The following RNF25 variants were observed in gnomAD, a reference collection of about 807,000 sequenced individuals.
RNF25 encodes the protein E3 ubiquitin-protein ligase RNF25.
Under a neutral mutation model 65.0 loss-of-function variants are expected in RNF25, and 32 were observed. The ratio of observed to expected loss-of-function variants is 0.49; its 90% confidence interval spans 0.37 to 0.66. The LOEUF (loss-of-function observed/expected upper bound fraction) is 0.66. Ranked by LOEUF, RNF25 falls within the 30% of genes least tolerant of loss-of-function variation. The pLI is 0.00. For synonymous variants in RNF25, 207 were observed against 221.2 expected (o/e 0.94, Z 0.57); for missense variants, 493 against 584.8 (o/e 0.84, Z 1.62).
Position 218,664,007 on chromosome 2 carries a change from G to A in RNF25, c.1330C>T (p.Pro444Ser). The change falls in exon 10 of 10, where the codon CCT becomes TCT. Residue 444 changes from proline (P) to serine (S), a missense_variant. Pro to Ser is a moderately conservative substitution (Grantham distance 74, BLOSUM62 -1). This residue lies in a region of RNF25 where 351 missense variants were observed against 400.2 expected (regional missense o/e 0.88). Coordinates refer to ENST00000295704, the MANE Select transcript of RNF25 (RefSeq NM_022453.3). The surrounding 1 kb of genome is among the most constrained non-coding windows in gnomAD (Gnocchi z 5.1). The stretch of plus-strand genomic sequence containing the variant: ...CCCAGGGACTCCCTCCGAGTACCAG[G>A]CCGGTATGCTCCCTGGCCCCGAGGC... ...RLPRGQGAYR[P>S]GTRRESLGLE... The A allele has an allele frequency of 6.8e-6, 10 of 1,480,040 alleles. No homozygotes were observed. The highest frequency in any genetic ancestry group is 8.1e-6 in the Non-Finnish European group (9 of 1,114,922). The allele number at this position is 1,480,040 out of a possible 1,614,324, so 91.7% of individuals were successfully genotyped here.
In RNF25 at chr2:218,664,127, C is replaced by G; in HGVS notation, c.1210G>C (p.Gly404Arg). 6.6e-7 allele frequency: 1 copy of G among 1,526,064 alleles called. No homozygotes were observed. Among genetic ancestry groups the G allele is most frequent in the Non-Finnish European group, 8.8e-7 (1 of 1,139,564 alleles). The allele number at this position is 1,526,064 out of a possible 1,614,324, so 94.5% of individuals were successfully genotyped here. Reference sequence around the variant, plus strand: ...CGGGGTGGGGGCCCCTGCCAGCTGCCAGGCCCCTTCTCTTGTGGAGGACCT... The same window carrying G: ...CGGGGTGGGGGCCCCTGCCAGCTGCGAGGCCCCTTCTCTTGTGGAGGACCT... ...VEGPPQEKGPGSWQGPPPRRT... is the reference protein window; with the variant it reads ...VEGPPQEKGPRSWQGPPPRRT... Residue 404 changes from glycine (G) to arginine (R), a missense_variant, in exon 10 of 10, where the codon GGC becomes CGC. Physicochemically the swap from Gly to Arg is moderately radical, Grantham distance 125. Transcript: ENST00000295704. The surrounding 1 kb of genome is among the most constrained non-coding windows in gnomAD (Gnocchi z 5.1).
At chr2:218,666,262 TA>T in intron 5 of RNF25, 32 bp from the exon 6 acceptor site, 2 of 1,578,616 alleles carry the variant, frequency 1.3e-6, no homozygotes, top group Admixed American at 1.7e-5. Flanking sequence ...TAAACGGGGG[TA>T]GGGGGAAGAA....
chr2:218,668,587 C>G lies in RNF25; in HGVS notation c.116+18G>C, dbSNP rs73079019. ...CATTACTAGGGGGACTCCTGCCCAC[C>G]ACTGGTTGAATACATACCTGCCATT... On this transcript the variant is annotated intron_variant, in intron 2 of 9. Coordinates refer to ENST00000295704, the MANE Select transcript of RNF25 (RefSeq NM_022453.3). 3.7e-3 allele frequency: 5,836 copies of G among 1,579,690 alleles called. 180 individuals are homozygous for G. The African/African-American group carries it at 0.067, about 18-fold the overall frequency.
Position 218,668,135 on chromosome 2 carries a change from C to T in RNF25, c.231G>A (p.Glu77=), listed in dbSNP as rs776812226. The change falls in exon 4 of 10, where the codon GAG becomes GAA. Residue 77 remains glutamate (E), a synonymous_variant. Transcript: ENST00000295704. ...VLQVPAEYPH[E]VPQISIRNPR... ...GATTTCGGATAGAGATCTGTGGCAC[C>T]TCATGGGGATACTAGTGGGGGCAAA... The T allele has an allele frequency of 1.2e-6, 2 of 1,614,152 alleles. No homozygotes were observed. Among genetic ancestry groups the T allele is most frequent in the Non-Finnish European group, 1.7e-6 (2 of 1,180,016 alleles).
chr2:218,670,359 A>C (rs376423179), intron 1 of RNF25, among the ~76,000 whole-genome samples: 31 of 151,372 alleles, frequency 2.0e-4, no homozygotes, highest in Admixed American at 1.1e-3. Flanking sequence ...CACCCTAGTT[A>C]TATGGGTCCT....
rs993537192 is a variant in RNF25 at position 218,665,019 on chromosome 2, G to T, written c.666+136C>A. The T allele has an allele frequency of 1.8e-5, 26 of 1,442,992 alleles. No individual in the cohort carries two copies. The Admixed American group carries it at 4.9e-4, about 27-fold the overall frequency. 89.4% of individuals were successfully genotyped at this position (1,442,992 alleles called of 1,614,324 possible). ...GAGTCTTAGGCTCCCGCCAGTGGGG[G>T]ATGTGGCTTTGCAGAGAGGTCCTAG... On this transcript the variant is annotated intron_variant, in intron 8 of 9. Coordinates refer to ENST00000295704, the MANE Select transcript of RNF25 (RefSeq NM_022453.3).
Position 218,664,061 on chromosome 2 carries a change from G to C in RNF25, c.1276C>G (p.Arg426Gly). 1 of 1,504,300 alleles carries C rather than the reference G, an allele frequency of 6.6e-7. No individual in the cohort carries two copies. The highest frequency in any genetic ancestry group is 8.9e-7 in the Non-Finnish European group (1 of 1,126,972). 93.2% of individuals were successfully genotyped at this position (1,504,300 alleles called of 1,614,324 possible). A position where few individuals can be genotyped will look rare whatever the true frequency, so the allele number is the denominator to read the frequency against. ...CGAGGGTAGGAAGAACCGGGTGTCC[G>C]GCCTTTAGAGCGCTCCCAGCGAACA... ...DCVRWERSKG[R>G]TPGSSYPRLP... The change falls in exon 10 of 10, where the codon CGG becomes GGG. Residue 426 changes from arginine to glycine, a missense_variant. Arg to Gly is a moderately radical substitution (Grantham distance 125). Coordinates refer to ENST00000295704, the MANE Select transcript of RNF25 (RefSeq NM_022453.3). This position sits in a 1 kb window ranked among gnomAD's most constrained non-coding sequence, Gnocchi z 5.1.
chr2:218,669,422 A>G (rs920395856), intron 1 of RNF25, among the ~76,000 whole-genome samples: 2 of 152,226 alleles, frequency 1.3e-5, no homozygotes, highest in African/African-American at 4.8e-5. Flanking sequence ...TATCGTAGCT[A>G]GTCTACGTCC....
In RNF25 at chr2:218,664,018, C is replaced by A. The variant is rs776895179; in HGVS notation, c.1319G>T (p.Gly440Val). The change falls in exon 10 of 10, where the codon GGA becomes GTA. Residue 440 changes from glycine to valine, a missense_variant. By Grantham distance (109) the Gly-to-Val change is moderately radical (BLOSUM62 -3). This residue lies in a region of RNF25 where 351 missense variants were observed against 400.2 expected (regional missense o/e 0.88). Coordinates refer to ENST00000295704, the MANE Select transcript of RNF25 (RefSeq NM_022453.3). The surrounding 1 kb of genome is among the most constrained non-coding windows in gnomAD (Gnocchi z 5.1). Reference protein sequence around the residue: ...SSYPRLPRGQGAYRPGTRRES... With the variant: ...SSYPRLPRGQVAYRPGTRRES... ...CCTCCGAGTACCAGGCCGGTATGCT[C>A]CCTGGCCCCGAGGCAGGCGAGGGTA... 4 of 1,491,912 alleles carry A rather than the reference C, an allele frequency of 2.7e-6. No homozygotes were observed. Among genetic ancestry groups the A allele is most frequent in the Middle Eastern group, 1.8e-4 (1 of 5,524 alleles). 92.4% of individuals were successfully genotyped at this position (1,491,912 alleles called of 1,614,324 possible).
rs1368500085 is a variant in RNF25 at position 218,668,636 on chromosome 2, C to T, written c.85G>A (p.Asp29Asn). 9 of 1,612,164 alleles carry T rather than the reference C, an allele frequency of 5.6e-6. No individual in the cohort carries two copies. The highest frequency in any genetic ancestry group is 7.6e-6 in the Non-Finnish European group (9 of 1,178,444). The change falls in exon 2 of 10, where the codon GAT becomes AAT. Residue 29 changes from aspartate (D) to asparagine (N), a missense_variant. Asp to Asn is a conservative substitution (Grantham distance 23). Transcript: ENST00000295704. ...TTTCCTTTAATCACCTGTAGTTCAT[C>T]TAGATAGATGGACTCCAATACTTCA... Reference protein sequence around the residue: ...EVEVLESIYLDELQVIKGNGR... With the variant: ...EVEVLESIYLNELQVIKGNGR...
chr2:218,664,143 T>G lies in RNF25; in HGVS notation c.1194A>C (p.Pro398=). The part of the protein sequence containing the change: ...EPHSQGVEGP[P]QEKGPGSWQG... ...GCCAGCTGCCAGGCCCCTTCTCTTG[T>G]GGAGGACCTTCAACTCCTTGGCTAT... The change falls in exon 10 of 10, where the codon CCA becomes CCC. Residue 398 remains proline (P), a synonymous_variant. Coordinates refer to ENST00000295704, the MANE Select transcript of RNF25 (RefSeq NM_022453.3). The surrounding 1 kb of genome is among the most constrained non-coding windows in gnomAD (Gnocchi z 5.1). 6.5e-7 allele frequency: 1 copy of G among 1,535,264 alleles called. No homozygotes were observed. The highest frequency in any genetic ancestry group is 8.7e-7 in the Non-Finnish European group (1 of 1,144,506).
intron 1 of RNF25, among the ~76,000 whole-genome samples, chr2:218,669,746 C>G (rs747983550): frequency 2.0e-5 from 3 of 152,218 alleles, no homozygotes; most frequent in African/African-American, 7.2e-5. Flanking sequence ...TGCCCCAGCA[C>G]GACCTATGTC....
intron 5 of RNF25, among the ~76,000 whole-genome samples, chr2:218,666,738 T>C (rs1461110294): frequency 6.6e-6 from 1 of 152,264 alleles, no homozygotes; most frequent in East Asian, 1.9e-4. Context: ...GCTAATAGTG[T>C]ACTCTGGAAT....
chr2:218,664,620 G>C lies in RNF25; in HGVS notation c.802-85C>G. 5.1e-6 allele frequency: 8 copies of C among 1,575,648 alleles called. 1 individual carries two copies. The South Asian group carries it at 9.3e-5, about 18-fold the overall frequency. ...AGGCCCCTCTCCTACTATCTGGGCT[G>C]ACCACGATCAGCCTATCATCTTCCT... is the stretch of plus-strand genomic sequence containing the variant. On this transcript the variant is annotated intron_variant, in intron 9 of 9. Transcript: ENST00000295704. This position sits in a 1 kb window ranked among gnomAD's most constrained non-coding sequence, Gnocchi z 5.1.
At chr2:218,671,053 G>T (rs1939952528) in intron 1 of RNF25, among the ~76,000 whole-genome samples, 1 of 152,098 alleles carries the variant, frequency 6.6e-6, no homozygotes, top group African/African-American at 2.4e-5. Context: ...CACACCTGTA[G>T]TCTCAGCTAC....
intron 2 of RNF25, 97 bp from the exon 3 acceptor site, chr2:218,668,438 C>T (rs915565973): frequency 1.2e-5 from 12 of 1,008,190 alleles, no homozygotes; most frequent in Non-Finnish European, 1.7e-5. Context: ...AAAGGAAGTA[C>T]ACATTGGACT....
intron 5 of RNF25, among the ~76,000 whole-genome samples, chr2:218,666,707 A>T: frequency 6.6e-6 from 1 of 152,208 alleles, no homozygotes; most frequent in East Asian, 1.9e-4. Flanking sequence ...TGAACTATGC[A>T]TTTGAATTGT....
chr2:218,665,106 T>A, intron 8 of RNF25, 49 bp downstream of exon 8: 1 of 1,579,628 alleles, frequency 6.3e-7, no homozygotes, highest in African/African-American at 1.3e-5. Context: ...TCCTTACTCT[T>A]TAGAAAATAC....
At chr2:218,667,437 G>A (rs1575114540) in intron 5 of RNF25, among the ~76,000 whole-genome samples, 1 of 149,472 alleles carries the variant, frequency 6.7e-6, no homozygotes, top group South Asian at 2.1e-4. Context: ...TGCAATCTCC[G>A]CCTCCCGGGT....
Sources: gnomAD v4.1 joint callset for allele counts (sites outside exome capture counted in the v4.1 genomes callset) on GRCh38, gnomAD v4.1.1 for gene constraint, gnomAD v4.1.1 regional missense constraint, Gnocchi (gnomAD v3.1) non-coding constraint, MANE v1.5 for transcripts, NCBI Gene and HGNC (gene_info 2026-07-23, HGNC 2026-07-21) for gene names.